Variants in ANKS1B observed in about 807,000 individuals in gnomAD.
The protein encoded by ANKS1B is ankyrin repeat and sterile alpha motif domain containing 1B.
Under a neutral mutation model 148.3 loss-of-function variants are expected in ANKS1B, and 36 were observed. The observed-to-expected ratio is 0.24, with a 90% CI of 0.19 to 0.32. The LOEUF is 0.32. ANKS1B is among the 10% of genes least tolerant of loss of function. ANKS1B has a pLI of 1.00. For synonymous variants in ANKS1B, 542 were observed against 560.8 expected, an observed-to-expected ratio of 0.97 and a Z score of 0.47; for missense variants, 1,157 against 1,542.6, an observed-to-expected ratio of 0.75 and a Z score of 4.19.
chr12:99,944,696 G>A (rs990652474), intron 1 of ANKS1B, among the ~76,000 whole-genome samples: 8 of 152,088 alleles, frequency 5.3e-5, no homozygotes, highest in Non-Finnish European at 1.0e-4. Context: ...TTATCACTGG[G>A]TTGTTGTGAG....
chr12:98,904,954 T>C lies in ANKS1B; in HGVS notation c.2779-72818A>G, dbSNP rs986437. ...GCATTAGAATTAAGTCCAGGATGTA[T>C]GTATGCCTCTGAGATCTGTAATTTC... On this transcript the variant is annotated intron_variant, in intron 17 of 26. Transcript: ENST00000683438. Among the ~76,000 whole-genome samples the C allele has an allele frequency of 1.9e-4, 29 of 152,266 alleles. 1 individual carries two copies. Among genetic ancestry groups the C allele is most frequent in the African/African-American group, 6.5e-4 (27 of 41,568 alleles).
chr12:99,423,726 C>T (rs2095166674), intron 11 of ANKS1B, among the ~76,000 whole-genome samples: 1 of 152,078 alleles, frequency 6.6e-6, no homozygotes, highest in South Asian at 2.1e-4. Context: ...CCTTAGCAAA[C>T]TAATGCAGGA....
chr12:99,786,313 C>G (rs1393326198), intron 4 of ANKS1B, among the ~76,000 whole-genome samples: 1 of 152,122 alleles, frequency 6.6e-6, no homozygotes, highest in East Asian at 1.9e-4. Flanking sequence ...AGCTTTGGAA[C>G]AGGTATTTGT....
At chr12:99,243,921 T>C (rs1305094732) in intron 14 of ANKS1B, among the ~76,000 whole-genome samples, 2 of 152,054 alleles carry the variant, frequency 1.3e-5, no homozygotes, top group East Asian at 1.9e-4. Flanking sequence ...CTAATGTAAA[T>C]GACGAGTTGA....
At chr12:99,327,385 TATA>T (rs1443521543) in intron 12 of ANKS1B, among the ~76,000 whole-genome samples, 1 of 131,086 alleles carries the variant, frequency 7.6e-6, no homozygotes, top group Admixed American at 8.8e-5. Flanking sequence ...TATATAATTA[TATA>T]TTATAATTAC....
intron 12 of ANKS1B, among the ~76,000 whole-genome samples, chr12:99,388,470 T>C (rs1001113329): frequency 2.0e-5 from 3 of 152,208 alleles, no homozygotes; most frequent in Non-Finnish European, 2.9e-5. Flanking sequence ...CTGGTATTGA[T>C]GGGAGAGGCA....
intron 1 of ANKS1B, among the ~76,000 whole-genome samples, chr12:99,887,347 T>C (rs2092877423): frequency 6.6e-6 from 1 of 152,238 alleles, no homozygotes; most frequent in African/African-American, 2.4e-5. Context: ...TTCTCATTAT[T>C]TGTTTATACT....
At chr12:99,561,502 G>T in intron 9 of ANKS1B, among the ~76,000 whole-genome samples, 1 of 152,026 alleles carries the variant, frequency 6.6e-6, no homozygotes, top group African/African-American at 2.4e-5. Context: ...TTTTTCTTAT[G>T]CATTTTTTGG....
rs180998602 is a variant in ANKS1B, at chr12:99,027,484, C to T, written c.2778+25673G>A. Among the ~76,000 whole-genome samples, 230 of 152,324 alleles carry T rather than the reference C, an allele frequency of 1.5e-3. 1 individual carries two copies. Among genetic ancestry groups the T allele is most frequent in the African/African-American group, 5.2e-3 (216 of 41,576 alleles). ...ACTCTTCATTTTCCAGATGAAGAAA[C>T]TAGTGATGTCAAATGACTTGATAAA... On this transcript the variant is annotated intron_variant, in intron 17 of 26. Transcript: ENST00000683438.
At chr12:99,282,121 G>C (rs966999061) in intron 12 of ANKS1B, among the ~76,000 whole-genome samples, 5 of 152,114 alleles carry the variant, frequency 3.3e-5, no homozygotes, top group African/African-American at 9.7e-5. Context: ...GGAGGAATTT[G>C]CTATTTTGTG....
intron 9 of ANKS1B, among the ~76,000 whole-genome samples, chr12:99,571,636 T>A (rs1313781650): frequency 6.6e-6 from 1 of 152,134 alleles, no homozygotes; most frequent in African/African-American, 2.4e-5. Flanking sequence ...TTTAAGGTGA[T>A]TTGATCCAGA....
At chr12:98,898,483 C>G (rs1378134359) in intron 17 of ANKS1B, among the ~76,000 whole-genome samples, 1 of 151,926 alleles carries the variant, frequency 6.6e-6, no homozygotes, top group African/African-American at 2.4e-5. Context: ...TTCCTGAAAC[C>G]CTCTCACCTT....
Position 99,164,236 on chromosome 12 carries a change from TA to T in ANKS1B, c.2420-9842del, listed in dbSNP as rs563787586. ...GTGTCTATCCCATTATTTTTAACTTTAAAAAATGAGCATTTAAAAATGTGTC... is the reference window on the plus strand; with the variant it reads ...GTGTCTATCCCATTATTTTTAACTTTAAAAATGAGCATTTAAAAATGTGTC... On this transcript the variant is annotated intron_variant, in intron 14 of 26. Coordinates refer to ENST00000683438, the MANE Select transcript of ANKS1B (RefSeq NM_001352186.2). Among the ~76,000 whole-genome samples, 129 of 152,214 alleles carry T rather than the reference TA, an allele frequency of 8.5e-4. No individual in the cohort carries two copies. The South Asian group carries it at 0.026, about 30-fold the overall frequency.
At chr12:98,891,783 A>G (rs561504734) in intron 17 of ANKS1B, among the ~76,000 whole-genome samples, 1 of 152,298 alleles carries the variant, frequency 6.6e-6, no homozygotes, top group African/African-American at 2.4e-5. Flanking sequence ...ATATACTGCT[A>G]TTAAATTAAA....
chr12:99,351,087 G>A (rs1463517879), intron 12 of ANKS1B, among the ~76,000 whole-genome samples: 1 of 152,072 alleles, frequency 6.6e-6, no homozygotes, highest in East Asian at 1.9e-4. Flanking sequence ...TAGAATGTAA[G>A]TATTTTGGAA....
intron 1 of ANKS1B, among the ~76,000 whole-genome samples, chr12:99,955,399 A>G (rs2095303556): frequency 6.9e-6 from 1 of 144,530 alleles, no homozygotes; most frequent in Non-Finnish European, 1.5e-5. Context: ...AGGCTGAGGC[A>G]GGAGAATGGC....
rs2099322318 is a variant in ANKS1B, at chr12:98,832,103, G to C, written c.2812C>G (p.Arg938Gly). The C allele has an allele frequency of 6.3e-7, 1 of 1,592,372 alleles. No homozygotes were observed. Among genetic ancestry groups the C allele is most frequent in the East Asian group, 2.3e-5 (1 of 44,122 alleles). Residue 938 changes from arginine to glycine, a missense_variant, in exon 18 of 27, where the codon CGT (arginine) becomes GGT (glycine). Transcript: ENST00000683438. ...CTGTCTCCCAGAGATGCCAAAATAC[G>C]TTTCCTGTGGCCAATCAAATTGATT... ...LKINLIGHRK[R>G]ILASLGDRLH...
At chr12:98,872,402 GGTGGC>G (rs1475665900) in intron 17 of ANKS1B, among the ~76,000 whole-genome samples, 2 of 152,164 alleles carry the variant, frequency 1.3e-5, no homozygotes, top group Non-Finnish European at 2.9e-5. Flanking sequence ...AGCTGGGCAT[GGTGGC>G]GTGTGCCTGT....
At chr12:99,418,853 A>T (rs1236067504) in intron 11 of ANKS1B, among the ~76,000 whole-genome samples, 1 of 152,200 alleles carries the variant, frequency 6.6e-6, no homozygotes, top group Non-Finnish European at 1.5e-5. Flanking sequence ...GTCTTAAAAA[A>T]CAAAACAACA....
Sources: gnomAD v4.1 joint callset for allele counts (sites outside exome capture counted in the v4.1 genomes callset) on GRCh38, gnomAD v4.1.1 for gene constraint, MANE v1.5 for transcripts, NCBI Gene and HGNC (gene_info 2026-07-23, HGNC 2026-07-21) for gene names.